The following LPP variants were observed in gnomAD, a reference collection of about 807,000 sequenced individuals.
The protein encoded by LPP is lipoma-preferred partner.
Under a neutral mutation model 60.4 loss-of-function variants are expected in LPP, and 38 were observed. The observed-to-expected ratio is 0.63, with a 90% confidence interval of 0.49 to 0.83. The LOEUF is 0.83. Ranked by LOEUF, LPP falls within the 40% of genes least tolerant of loss-of-function variation. LPP has a pLI of 0.00. For missense variants in LPP, 902 were observed against 783.6 expected (o/e 1.15, Z -1.80); for synonymous variants, 328 against 290.8 (o/e 1.13, Z -1.30).
intron 9 of LPP, among the ~76,000 whole-genome samples, chr3:188,842,496 C>T (rs978428010): frequency 2.0e-4 from 31 of 151,918 alleles, no homozygotes; most frequent in Non-Finnish European, 2.2e-4. Flanking sequence ...TGTTTGTTTC[C>T]TTTGCTGTGC....
At chr3:188,637,595 A>T (rs1293926020) in intron 7 of LPP, among the ~76,000 whole-genome samples, 3 of 151,682 alleles carry the variant, frequency 2.0e-5, no homozygotes, top group African/African-American at 7.3e-5. Context: ...TGAAAGGATC[A>T]ACAAAATTGA....
At chr3:188,539,144 A>G (rs1175111157) in intron 6 of LPP, among the ~76,000 whole-genome samples, 1 of 152,206 alleles carries the variant, frequency 6.6e-6, no homozygotes, top group Non-Finnish European at 1.5e-5. Flanking sequence ...TTTAAAGGGC[A>G]TATTTTATGG....
chr3:188,721,623 T>C (rs536830697), intron 8 of LPP, among the ~76,000 whole-genome samples: 80 of 152,244 alleles, frequency 5.3e-4, no homozygotes, highest in African/African-American at 1.9e-3. Flanking sequence ...TATTGAGAAA[T>C]GTGGATATCA....
intron 5 of LPP, among the ~76,000 whole-genome samples, chr3:188,510,528 C>G (rs1163095516): frequency 3.3e-5 from 5 of 152,054 alleles, no homozygotes; most frequent in Non-Finnish European, 7.4e-5. Flanking sequence ...GTGTTTGTTC[C>G]CACATCAACA....
At chr3:188,583,367 T>C (rs1836702052) in intron 6 of LPP, among the ~76,000 whole-genome samples, 2 of 151,888 alleles carry the variant, frequency 1.3e-5, no homozygotes, top group South Asian at 4.1e-4. Context: ...GAGAGTCACA[T>C]GATATTGTTT....
rs188480541 is a variant in LPP at position 188,841,588 on chromosome 3, C to T, written c.1411-24612C>T. Among the ~76,000 whole-genome samples the T allele has an allele frequency of 2.0e-5, 3 of 152,176 alleles. No individual in the cohort carries two copies. The East Asian group carries it at 5.8e-4, about 29-fold the overall frequency. ...TGTATTTTCAGTAGAGATGGGGTTT[C>T]ACCATCTTGGCCAGGATGGTCTCTA... On this transcript the variant is annotated intron_variant, in intron 9 of 11. Transcript: ENST00000617246.
At chr3:188,596,260 A>G (rs1839965754) in intron 6 of LPP, among the ~76,000 whole-genome samples, 1 of 152,110 alleles carries the variant, frequency 6.6e-6, no homozygotes, top group Non-Finnish European at 1.5e-5. Flanking sequence ...AATGTGAGTA[A>G]TTTTGCTGCA....
At chr3:188,473,371 A>G (rs1216002455) in intron 4 of LPP, among the ~76,000 whole-genome samples, 2 of 152,184 alleles carry the variant, frequency 1.3e-5, no homozygotes, top group Non-Finnish European at 2.9e-5. Context: ...CCAGAATCAC[A>G]TATTGCATTT....
chr3:188,213,255 C>T (rs1159410525), intron 1 of LPP, among the ~76,000 whole-genome samples: 4 of 152,172 alleles, frequency 2.6e-5, no homozygotes, highest in African/African-American at 9.7e-5. Flanking sequence ...ATTTGCACAG[C>T]ATCCACGGTC....
chr3:188,778,160 G>A (rs1546736), intron 9 of LPP, among the ~76,000 whole-genome samples: 32,320 of 152,036 alleles, frequency 0.21, 3,898 homozygotes, highest in Middle Eastern at 0.28. Context: ...TGAATTTCAG[G>A]TACAATTCAG....
chr3:188,603,348 TG>T (rs1335649132), intron 6 of LPP, among the ~76,000 whole-genome samples: 33 of 39,352 alleles, frequency 8.4e-4, no homozygotes, highest in African/African-American at 1.3e-3. Context: ...AAGAATTTTG[TG>T]GTTTTTTTTT....
intron 7 of LPP, among the ~76,000 whole-genome samples, chr3:188,616,630 G>T (rs1456738035): frequency 6.6e-6 from 1 of 151,702 alleles, no homozygotes; most frequent in Non-Finnish European, 1.5e-5. Context: ...TCAGTTTGTT[G>T]TTGTCCACAA....
intron 3 of LPP, among the ~76,000 whole-genome samples, chr3:188,384,950 G>T (rs753258111): frequency 2.0e-5 from 3 of 151,960 alleles, no homozygotes; most frequent in Non-Finnish European, 4.4e-5. Context: ...ATGAGATGGT[G>T]TTGGAGCAAT....
At chr3:188,816,987 G>A (rs1299969404) in intron 9 of LPP, among the ~76,000 whole-genome samples, 2 of 152,188 alleles carry the variant, frequency 1.3e-5, no homozygotes, top group African/African-American at 2.4e-5. Flanking sequence ...GTAGTGAGAA[G>A]CATAAAGTAC....
chr3:188,790,992 A>G (rs1287841132), intron 9 of LPP, among the ~76,000 whole-genome samples: 2 of 152,128 alleles, frequency 1.3e-5, no homozygotes, highest in Non-Finnish European at 2.9e-5. Context: ...TGTGACTTCA[A>G]AAGTCAAAAA....
At position 188,887,944 on chromosome 3, in the gene LPP, A is replaced by G. The variant is rs1373554826; in HGVS notation, c.*13465A>G. On this transcript the variant is annotated 3_prime_UTR_variant, in exon 12 of 12. Coordinates refer to ENST00000617246, the MANE Select transcript of LPP (RefSeq NM_001375462.1). ...CTCTGAAAATCTGAATTATGCCCTCATTCTTTTTCAAGAAATATCTCAAAG... is the reference window on the plus strand; with the variant it reads ...CTCTGAAAATCTGAATTATGCCCTCGTTCTTTTTCAAGAAATATCTCAAAG... 1 of 209,350 alleles carries G rather than the reference A, an allele frequency of 4.8e-6. No homozygotes were observed. Among genetic ancestry groups the G allele is most frequent in the East Asian group, 7.3e-5 (1 of 13,774 alleles). The allele number at this position is 209,350 out of a possible 1,614,324, so 13.0% of individuals were successfully genotyped here.
At chr3:188,380,151 A>G (rs1360278480) in intron 3 of LPP, among the ~76,000 whole-genome samples, 2 of 152,242 alleles carry the variant, frequency 1.3e-5, no homozygotes, top group African/African-American at 4.8e-5. Flanking sequence ...CTTTTCCCTC[A>G]TATTCCACTG....
intron 1 of LPP, among the ~76,000 whole-genome samples, chr3:188,186,926 T>G (rs1726773255): frequency 6.6e-6 from 1 of 152,208 alleles, no homozygotes; most frequent in African/African-American, 2.4e-5. Context: ...CATTTCTACT[T>G]TTATTCTTTG....
intron 4 of LPP, among the ~76,000 whole-genome samples, chr3:188,428,043 G>A (rs1239310570): frequency 6.6e-6 from 1 of 152,154 alleles, no homozygotes; most frequent in Non-Finnish European, 1.5e-5. Context: ...CCCTGGTGGT[G>A]TAGGCACCCA....
Sources: allele counts gnomAD v4.1 joint callset (sites outside exome capture counted in the v4.1 genomes callset), GRCh38; gene constraint gnomAD v4.1.1; transcripts MANE v1.5; gene names NCBI Gene and HGNC (gene_info 2026-07-23, HGNC 2026-07-21).